PPCDC: variants seen among roughly 807,000 people sequenced by gnomAD.
PPCDC encodes phosphopantothenoylcysteine decarboxylase.
Under a neutral mutation model 20.7 loss-of-function variants are expected in PPCDC, and 20 were observed. The observed-to-expected ratio is 0.97, with a 90% CI of 0.68 to 1.41. The LOEUF is 1.41. Ranked by LOEUF, PPCDC falls within the 40% of genes most tolerant of loss-of-function variation. The pLI, the probability that PPCDC is intolerant of heterozygous loss-of-function variation, is 0.00. For missense variants in PPCDC, 246 were observed against 263.8 expected (o/e 0.93, Z 0.47); for synonymous variants, 88 against 100.3 (o/e 0.88, Z 0.73).
At chr15:75,033,753 C>T (rs2066053416) in intron 2 of PPCDC, among the ~76,000 whole-genome samples, 1 of 152,124 alleles carries the variant, frequency 6.6e-6, no homozygotes, top group East Asian at 1.9e-4. Context: ...TGGCTGGCCC[C>T]TTCCTCCTCT....
At chr15:75,029,800 G>A (rs1279699760) in intron 2 of PPCDC, among the ~76,000 whole-genome samples, 1 of 152,244 alleles carries the variant, frequency 6.6e-6, no homozygotes, top group East Asian at 1.9e-4. Context: ...CCCTGGGGAG[G>A]GAGGGAGCCA....
chr15:75,031,007 G>A (rs1441346041), intron 2 of PPCDC, among the ~76,000 whole-genome samples: 2 of 152,160 alleles, frequency 1.3e-5, no homozygotes, highest in Non-Finnish European at 2.9e-5. Context: ...GTATGTTGGG[G>A]CAGGTGGGCA....
At chr15:75,026,792 A>G (rs1468495965) in intron 1 of PPCDC, among the ~76,000 whole-genome samples, 1 of 152,106 alleles carries the variant, frequency 6.6e-6, no homozygotes, top group Non-Finnish European at 1.5e-5. Context: ...GCTCTCTTTC[A>G]TGTATTGACT....
intron 2 of PPCDC, among the ~76,000 whole-genome samples, chr15:75,034,929 T>TA (rs1211368011): frequency 6.6e-6 from 1 of 152,190 alleles, no homozygotes; most frequent in Non-Finnish European, 1.5e-5. Flanking sequence ...TGCTATCTGA[T>TA]ATATTTAAAT....
intron 4 of PPCDC, among the ~76,000 whole-genome samples, chr15:75,047,365 G>A (rs981573268): frequency 5.3e-5 from 8 of 152,206 alleles, no homozygotes; most frequent in Non-Finnish European, 1.0e-4. Context: ...CAGGTCCCAG[G>A]GCTGTTTGCT....
rs899190116 is a variant in PPCDC at position 75,043,257 on chromosome 15, C to A, written c.136-184C>A. On this transcript the variant is annotated intron_variant, in intron 2 of 5. Coordinates refer to ENST00000342932, the MANE Select transcript of PPCDC (RefSeq NM_021823.5). ...AACAGCCACACCTGATAGGGCCTGA[C>A]CTTTGGGTGACAGCAGAAGTAGCTA... 1.0e-5 allele frequency: 6 copies of A among 575,820 alleles called. No individual in the cohort carries two copies. In the African/African-American group the frequency reaches 1.1e-4, roughly 11 times the overall value. 35.7% of individuals were successfully genotyped at this position (575,820 alleles called of 1,614,324 possible).
chr15:75,039,848 G>A (rs1274008356), intron 2 of PPCDC, among the ~76,000 whole-genome samples: 1 of 150,500 alleles, frequency 6.6e-6, no homozygotes, highest in East Asian at 2.0e-4. Flanking sequence ...GCAATGGTGC[G>A]ATCTCAGCTC....
rs555787239 is a variant in PPCDC at position 75,038,889 on chromosome 15, A to G, written c.136-4552A>G. Among the ~76,000 whole-genome samples, 35 of 149,964 alleles carry G rather than the reference A, an allele frequency of 2.3e-4. No homozygotes were observed. In the South Asian group the frequency reaches 7.4e-3, roughly 32 times the overall value. ...TTATCTTTTTTTTTCTCCTTTCTGG[A>G]AGATTTCTTTTAGACTTGTGTTGAA... On this transcript the variant is annotated intron_variant, in intron 2 of 5. Coordinates refer to ENST00000342932, the MANE Select transcript of PPCDC (RefSeq NM_021823.5).
chr15:75,024,734 G>A (rs1227379009), intron 1 of PPCDC, among the ~76,000 whole-genome samples: 1 of 149,824 alleles, frequency 6.7e-6, no homozygotes, highest in East Asian at 2.0e-4. Flanking sequence ...GTGTAGTGGT[G>A]CAATCATAGC....
At position 75,041,089 on chromosome 15, in the gene PPCDC, A is replaced by G. The variant is rs758219733; in HGVS notation, c.136-2352A>G. ...AAAGGTTATTCTTCTTATGGTTACC[A>G]TAACTTATTGTGCCCTCTTCTTTAC... On this transcript the variant is annotated intron_variant, in intron 2 of 5. Transcript: ENST00000342932. 2.1e-4 allele frequency among the ~76,000 whole-genome samples: 32 copies of G among 152,162 alleles called. 1 individual carries two copies. The highest frequency in any genetic ancestry group is 3.2e-3 in the Middle Eastern group (1 of 316).
chr15:75,046,389 T>A (rs1307673374), intron 4 of PPCDC, among the ~76,000 whole-genome samples: 1 of 152,240 alleles, frequency 6.6e-6, no homozygotes, highest in African/African-American at 2.4e-5. Context: ...GCAGCTGGTG[T>A]GACAAAGTAC....
chr15:75,026,550 C>T (rs778852628), intron 1 of PPCDC, among the ~76,000 whole-genome samples: 1 of 152,180 alleles, frequency 6.6e-6, no homozygotes, highest in Non-Finnish European at 1.5e-5. Flanking sequence ...CCTCAGCCCA[C>T]GTGGGTTGTG....
intron 4 of PPCDC, 80 bp from the exon 5 acceptor site, chr15:75,048,473 C>CT: frequency 6.5e-7 from 1 of 1,540,440 alleles, no homozygotes; most frequent in Non-Finnish European, 8.8e-7. Context: ...AGCTGGGCTG[C>CT]TGGCTGCAGG....
In PPCDC at chr15:75,048,864, GTA is replaced by G. The variant is rs1346692546; in HGVS notation, c.529+144_529+145del. 7.5e-6 allele frequency: 9 copies of G among 1,193,508 alleles called. No individual in the cohort carries two copies. In the East Asian group the frequency reaches 2.3e-4, roughly 31 times the overall value. The allele number at this position is 1,193,508 out of a possible 1,614,324, so 73.9% of individuals were successfully genotyped here. A position where few individuals can be genotyped will look rare whatever the true frequency, so the allele number is the denominator to read the frequency against. ...CTTTCTCAGCTGGAAAATGGGAATC[GTA>G]ATTCCTGCCTCCAGATTGGTAGGGT... On this transcript the variant is annotated intron_variant, in intron 5 of 5. Coordinates refer to ENST00000342932, the MANE Select transcript of PPCDC (RefSeq NM_021823.5).
chr15:75,045,843 C>T (rs2066225847), intron 4 of PPCDC, among the ~76,000 whole-genome samples: 2 of 150,658 alleles, frequency 1.3e-5, no homozygotes, highest in African/African-American at 4.9e-5. Flanking sequence ...TTGATTGTGC[C>T]TGTGAATAGC....
At chr15:75,048,160 T>C (rs1156935413) in intron 4 of PPCDC, among the ~76,000 whole-genome samples, 1 of 152,172 alleles carries the variant, frequency 6.6e-6, no homozygotes, top group African/African-American at 2.4e-5. Flanking sequence ...CTCGGAGAGC[T>C]GATGTCAAGT....
chr15:75,034,521 C>T (rs2066062500), intron 2 of PPCDC, among the ~76,000 whole-genome samples: 1 of 152,178 alleles, frequency 6.6e-6, no homozygotes, highest in South Asian at 2.1e-4. Flanking sequence ...AAGGAGGCCA[C>T]CTCCTTCACA....
chr15:75,048,944 A>C (rs1468795616), intron 5 of PPCDC, among the ~76,000 whole-genome samples: 1 of 152,226 alleles, frequency 6.6e-6, no homozygotes, highest in African/African-American at 2.4e-5. Flanking sequence ...CACGCAGCCC[A>C]CACGCAGTTA....
At chr15:75,033,515 GT>G (rs200069199) in intron 2 of PPCDC, among the ~76,000 whole-genome samples, 1 of 150,784 alleles carries the variant, frequency 6.6e-6, no homozygotes, top group Non-Finnish European at 1.5e-5. Context: ...GTGTGTGTGT[GT>G]TTTTTTGTTT....
Sources: gnomAD v4.1 joint callset for allele counts (sites outside exome capture counted in the v4.1 genomes callset) on GRCh38, gnomAD v4.1.1 for gene constraint, MANE v1.5 for transcripts, NCBI Gene and HGNC (gene_info 2026-07-23, HGNC 2026-07-21) for gene names.